The following PER3 variants were observed in gnomAD, a reference collection of about 807,000 sequenced individuals.
The protein encoded by PER3 is period circadian protein homolog 3.
Under a neutral mutation model 127.2 loss-of-function variants are expected in PER3, and 107 were observed. That is an observed-to-expected ratio of 0.84 (90% CI 0.72 to 0.99). PER3 has a LOEUF of 0.99. Ranked by LOEUF, PER3 falls within the 50% of genes least tolerant of loss-of-function variation. PER3 has a pLI of 0.00. For missense variants in PER3, 1,560 were observed against 1,525.8 expected (o/e 1.02, Z -0.37); for synonymous variants, 618 against 585.8 (o/e 1.05, Z -0.79).
chr1:7,791,456 G>A (rs2097120695), intron 5 of PER3, among the ~76,000 whole-genome samples: 1 of 152,212 alleles, frequency 6.6e-6, no homozygotes, highest in South Asian at 2.1e-4. Context: ...TGGGGGCCTG[G>A]ACAGGCCCAG....
rs5772291 is a variant in PER3, at chr1:7,812,267, A to ATT, written c.1522+1687_1522+1688dup. Among the ~76,000 whole-genome samples the ATT allele has an allele frequency of 6.9e-3, 1,031 of 150,504 alleles. 9 individuals are homozygous for ATT. The highest frequency in any genetic ancestry group is 0.044 in the Middle Eastern group (13 of 294). On this transcript the variant is annotated intron_variant, in intron 13 of 21. Transcript: ENST00000377532. Reference sequence around the variant, plus strand: ...TGGATCTTGTAATGCCATCGGTACTATTTTTTTTTGAAGGCTATATCTTTA... The same window carrying ATT: ...TGGATCTTGTAATGCCATCGGTACTATTTTTTTTTTTGAAGGCTATATCTTTA...
rs186648500 is a variant in PER3, at chr1:7,817,315, G to T, written c.1523-1970G>T. 2.7e-3 allele frequency among the ~76,000 whole-genome samples: 404 copies of T among 152,304 alleles called. 2 individuals carry two copies. The highest frequency in any genetic ancestry group is 4.7e-3 in the Non-Finnish European group (319 of 68,028). ...ACCCCAAAATGCAGAGAGAACCCAA[G>T]ATGAGATGCAGGCATTGACAACTGA... On this transcript the variant is annotated intron_variant, in intron 13 of 21. Coordinates refer to ENST00000377532, the MANE Select transcript of PER3 (RefSeq NM_001377275.1).
At chr1:7,786,516 C>T (rs1383084490) in intron 3 of PER3, among the ~76,000 whole-genome samples, 8 of 152,110 alleles carry the variant, frequency 5.3e-5, no homozygotes, top group Non-Finnish European at 8.8e-5. Context: ...TCCTGTGATC[C>T]AGAACATGCA....
intron 7 of PER3, among the ~76,000 whole-genome samples, chr1:7,800,433 C>T (rs2097165675): frequency 6.6e-6 from 1 of 151,396 alleles, no homozygotes; most frequent in Non-Finnish European, 1.5e-5. Flanking sequence ...GTCTCAAATT[C>T]CTGACCTCAA....
intron 8 of PER3, among the ~76,000 whole-genome samples, chr1:7,802,840 A>C (rs1275353676): frequency 6.6e-6 from 1 of 152,246 alleles, no homozygotes; most frequent in African/African-American, 2.4e-5. Flanking sequence ...ATTTTGATGT[A>C]ATGTGTCAGA....
In PER3 at chr1:7,784,928, G is replaced by A. The variant is rs1317449215; in HGVS notation, c.51G>A (p.Glu17=). ...CCGGGAGACGGGGGGCTAAGGACGA[G>A]GCCCTGGGCGAAGAATCGGGGGAGC... ...PGPGRRGAKD[E]ALGEESGERW... Residue 17 remains glutamate, a synonymous_variant, in exon 2 of 22, where the codon GAG becomes GAA. Coordinates refer to ENST00000377532, the MANE Select transcript of PER3 (RefSeq NM_001377275.1). 1 of 1,537,232 alleles carries A rather than the reference G, an allele frequency of 6.5e-7. No individual in the cohort carries two copies. The highest frequency in any genetic ancestry group is 8.7e-7 in the Non-Finnish European group (1 of 1,154,156).
chr1:7,819,565 TAC>T, intron 14 of PER3, 145 bp downstream of exon 14: 2 of 698,650 alleles, frequency 2.9e-6, no homozygotes, highest in South Asian at 3.6e-5. Flanking sequence ...GCCTAACACA[TAC>T]GCTGAACATT....
chr1:7,792,385 T>G (rs1317249024), intron 5 of PER3, among the ~76,000 whole-genome samples: 1 of 152,150 alleles, frequency 6.6e-6, no homozygotes, highest in African/African-American at 2.4e-5. Flanking sequence ...CATGTGGGGA[T>G]TATGGGAACT....
At chr1:7,810,853 C>T (rs769475521) in intron 13 of PER3, 9 of 275,254 alleles carry the variant, frequency 3.3e-5, no homozygotes, top group Non-Finnish European at 4.7e-5. Context: ...TCTGTAAATA[C>T]CAACGAATTA....
chr1:7,825,083 T>TTG (rs1173660796), intron 16 of PER3, among the ~76,000 whole-genome samples: 1 of 151,890 alleles, frequency 6.6e-6, no homozygotes, highest in African/African-American at 2.4e-5. Flanking sequence ...TTGGTCCCTG[T>TTG]TACTACAACT....
At position 7,827,353 on chromosome 1, in the gene PER3, A is replaced by C; in HGVS notation, c.2424A>C (p.Pro808=). Residue 808 remains proline (P), a synonymous_variant, in exon 18 of 22, where the codon CCA becomes CCC. Coordinates refer to ENST00000377532, the MANE Select transcript of PER3 (RefSeq NM_001377275.1). ...CCAGCCAGGCCCCTTACCTCGTCCC[A>C]GCTTTTCCCCTCCCAGCCGCGACCT... ...MVPSQAPYLV[P]AFPLPAATSP... The C allele has an allele frequency of 6.2e-7, 1 of 1,613,980 alleles. No homozygotes were observed. Among genetic ancestry groups the C allele is most frequent in the African/African-American group, 1.3e-5 (1 of 75,008 alleles).
At chr1:7,823,904 A>G (rs917277023) in intron 16 of PER3, among the ~76,000 whole-genome samples, 14 of 152,228 alleles carry the variant, frequency 9.2e-5, no homozygotes, top group African/African-American at 1.2e-4. Context: ...GGGCTGTACT[A>G]TGTCTCAGAT....
At chr1:7,795,672 C>T (rs1266262775) in intron 6 of PER3, among the ~76,000 whole-genome samples, 1 of 152,178 alleles carries the variant, frequency 6.6e-6, no homozygotes, top group African/African-American at 2.4e-5. Flanking sequence ...TGGAAGAAGA[C>T]GGGAAAGCAC....
Position 7,803,441 on chromosome 1 carries a change from A to G in PER3, c.980-251A>G, listed in dbSNP as rs2097179482. Among the ~76,000 whole-genome samples, 4 of 151,266 alleles carry G rather than the reference A, an allele frequency of 2.6e-5. No individual in the cohort carries two copies. The Admixed American group carries it at 2.6e-4, about 10-fold the overall frequency. On this transcript the variant is annotated intron_variant, in intron 9 of 21. Coordinates refer to ENST00000377532, the MANE Select transcript of PER3 (RefSeq NM_001377275.1). ...CATCTATACTAAAAGTACAAAAATT[A>G]GCCAGGCATGGTGGTGCACGCCTGT...
intron 13 of PER3, among the ~76,000 whole-genome samples, 160 bp from the exon 14 acceptor site, chr1:7,819,125 C>A (rs2097264623): frequency 6.6e-6 from 1 of 152,158 alleles, no homozygotes; most frequent in African/African-American, 2.4e-5. Flanking sequence ...GGATATCTTT[C>A]TATTAGTGCA....
At position 7,788,444 on chromosome 1, in the gene PER3, T is replaced by A. The variant is rs2097102350; in HGVS notation, c.592+198T>A. On this transcript the variant is annotated intron_variant, in intron 5 of 21. Coordinates refer to ENST00000377532, the MANE Select transcript of PER3 (RefSeq NM_001377275.1). The stretch of plus-strand genomic sequence containing the variant: ...CATACTCAATACGTTTGTTTCCATT[T>A]TGTCACATCTGTTTCACAGATGATA... 16 of 574,488 alleles carry A rather than the reference T, an allele frequency of 2.8e-5. No individual in the cohort carries two copies. The South Asian group carries it at 3.6e-4, about 13-fold the overall frequency. 35.6% of individuals were successfully genotyped at this position (574,488 alleles called of 1,614,324 possible). A position where few individuals can be genotyped will look rare whatever the true frequency, so the allele number is the denominator to read the frequency against.
At chr1:7,796,980 GAGAA>G (rs1476232644) in intron 6 of PER3, among the ~76,000 whole-genome samples, 1 of 152,160 alleles carries the variant, frequency 6.6e-6, no homozygotes, top group Non-Finnish European at 1.5e-5. Context: ...TGGAGGTGGA[GAGAA>G]AGAATGTGGT....
intron 21 of PER3, among the ~76,000 whole-genome samples, chr1:7,842,251 T>G (rs932095377): frequency 6.6e-6 from 1 of 151,796 alleles, no homozygotes; most frequent in African/African-American, 2.4e-5. Flanking sequence ...ACCTGTAATC[T>G]CAGCAGTTTG....
chr1:7,806,321 C>A (rs1237190019), intron 10 of PER3, among the ~76,000 whole-genome samples: 1 of 152,090 alleles, frequency 6.6e-6, no homozygotes, highest in African/African-American at 2.4e-5. Context: ...GTAGCCTTCC[C>A]AGGGATCACT....
Sources: allele counts gnomAD v4.1 joint callset (sites outside exome capture counted in the v4.1 genomes callset), GRCh38; gene constraint gnomAD v4.1.1; transcripts MANE v1.5; gene names NCBI Gene and HGNC (gene_info 2026-07-23, HGNC 2026-07-21).